Variants in NRXN3 observed in about 807,000 individuals in gnomAD.
The protein encoded by NRXN3 is neurexin III.
A neutral mutation model predicts 137.6 loss-of-function variants in NRXN3; 32 were observed. The ratio of observed to expected loss-of-function variants is 0.23; its 90% CI spans 0.18 to 0.31. The LOEUF is 0.31. Ranked by LOEUF, NRXN3 falls within the 10% of genes least tolerant of loss-of-function variation. The probability of loss-of-function intolerance (pLI) is 1.00; values close to 1 mark genes in which losing one functional copy is unlikely to be tolerated. For synonymous variants in NRXN3, 798 were observed against 784.5 expected, an observed-to-expected ratio of 1.02 and a Z score of -0.29; for missense variants, 1,574 against 2,062.5, an observed-to-expected ratio of 0.76 and a Z score of 4.59.
rs143928579 is a variant in NRXN3, at chr14:79,611,977, T to C, written c.3445-51801T>C. ...ATTAAGGCAATTAGGAAATTTTCCA[T>C]CTAGTTAACATATAGCAAATCAAAC... On this transcript the variant is annotated intron_variant, in intron 16 of 20. Coordinates refer to ENST00000335750, the MANE Select transcript of NRXN3 (RefSeq NM_001330195.2). 3 of 152,344 alleles carry C rather than the reference T, an allele frequency of 2.0e-5. No homozygotes were observed. In the East Asian group the frequency reaches 5.8e-4, roughly 29 times the overall value. 9.4% of individuals were successfully genotyped at this position (152,344 alleles called of 1,614,324 possible).
At chr14:79,220,950 G>C (rs1597425040) in intron 15 of NRXN3, among the ~76,000 whole-genome samples, 1 of 149,534 alleles carries the variant, frequency 6.7e-6, no homozygotes, top group African/African-American at 2.5e-5. Flanking sequence ...TCCCCTCCCT[G>C]TGTCCATGTG....
chr14:79,537,359 T>C (rs965300401), intron 16 of NRXN3, among the ~76,000 whole-genome samples: 4 of 152,118 alleles, frequency 2.6e-5, no homozygotes, highest in African/African-American at 9.7e-5. Context: ...GTTACATATG[T>C]ATACATGTGC....
At chr14:78,482,428 G>C (rs1283986299) in intron 4 of NRXN3, among the ~76,000 whole-genome samples, 1 of 152,076 alleles carries the variant, frequency 6.6e-6, no homozygotes, top group Non-Finnish European at 1.5e-5. Flanking sequence ...CATATGCTTT[G>C]TTTGAGTCCT....
At chr14:79,409,023 C>A (rs1385794064) in intron 15 of NRXN3, among the ~76,000 whole-genome samples, 1 of 152,042 alleles carries the variant, frequency 6.6e-6, no homozygotes, top group Non-Finnish European at 1.5e-5. Flanking sequence ...TTCTGCAGAA[C>A]TTTTCAACCA....
Position 78,563,469 on chromosome 14 carries a change from G to A in NRXN3, c.758-81651G>A, listed in dbSNP as rs74853772. On this transcript the variant is annotated intron_variant, in intron 4 of 20. Transcript: ENST00000335750. ...CCTTATTCTGGTGTATGGGTGAAGG[G>A]AATAAGCAGTGAGTTAGCTCTTACC... 3.2e-3 allele frequency among the ~76,000 whole-genome samples: 493 copies of A among 152,292 alleles called. 4 individuals carry two copies. Among genetic ancestry groups the A allele is most frequent in the African/African-American group, 0.011 (456 of 41,564 alleles).
intron 4 of NRXN3, among the ~76,000 whole-genome samples, chr14:78,454,663 T>C (rs934794158): frequency 4.6e-5 from 7 of 152,150 alleles, no homozygotes; most frequent in Non-Finnish European, 8.8e-5. Context: ...GGATCTATGA[T>C]GAGAAAAACA....
chr14:79,518,433 T>C (rs2097020751), intron 16 of NRXN3, among the ~76,000 whole-genome samples: 1 of 152,086 alleles, frequency 6.6e-6, no homozygotes, highest in Admixed American at 6.5e-5. Flanking sequence ...CATATTTTGT[T>C]AGGTTTATCT....
intron 15 of NRXN3, among the ~76,000 whole-genome samples, chr14:79,206,983 A>G (rs954484468): frequency 6.6e-6 from 1 of 152,162 alleles, no homozygotes; most frequent in Non-Finnish European, 1.5e-5. Context: ...CAAGTTACAG[A>G]TGTTAGCCTG....
Position 79,649,282 on chromosome 14 carries a change from G to A in NRXN3, c.3445-14496G>A, listed in dbSNP as rs139728321. On this transcript the variant is annotated intron_variant, in intron 16 of 20. Transcript: ENST00000335750. ...CTTCCCTGACTGCCTGTGAGCCTCT[G>A]GCCAGGATCCGGGGTAAGTGCCTCA... is the stretch of plus-strand genomic sequence containing the variant. Among the ~76,000 whole-genome samples the A allele has an allele frequency of 4.9e-3, 745 of 152,190 alleles. 6 individuals carry two copies. The highest frequency in any genetic ancestry group is 0.015 in the African/African-American group (631 of 41,532).
intron 15 of NRXN3, among the ~76,000 whole-genome samples, chr14:79,073,263 G>C (rs2099690667): frequency 6.6e-6 from 1 of 151,950 alleles, no homozygotes; most frequent in South Asian, 2.1e-4. Flanking sequence ...GGAGATACTT[G>C]GTAATGTAGA....
In NRXN3 at chr14:79,266,641, A is replaced by G. The variant is rs560514140; in HGVS notation, c.3263-200580A>G. Among the ~76,000 whole-genome samples, 27 of 152,296 alleles carry G rather than the reference A, an allele frequency of 1.8e-4. No homozygotes were observed. The South Asian group carries it at 5.6e-3, about 32-fold the overall frequency. The stretch of plus-strand genomic sequence containing the variant: ...AAGACTGGAGTATCAGGAAATGTAC[A>G]TCTCTAGCCATCAACTAGTAACAAG... On this transcript the variant is annotated intron_variant, in intron 15 of 20. Transcript: ENST00000335750.
At chr14:78,751,599 T>G (rs74994197) in intron 8 of NRXN3, among the ~76,000 whole-genome samples, 1 of 152,148 alleles carries the variant, frequency 6.6e-6, no homozygotes, top group African/African-American at 2.4e-5. Flanking sequence ...GAGTGTCTCA[T>G]TAAGTCCTGG....
At chr14:79,792,384 G>A (rs146820569) in intron 19 of NRXN3, among the ~76,000 whole-genome samples, 1 of 152,260 alleles carries the variant, frequency 6.6e-6, no homozygotes, top group African/African-American at 2.4e-5. Flanking sequence ...CACCTCAAAT[G>A]AGACTGTGTT....
rs10601165 is a variant in NRXN3, at chr14:78,487,742, CATAAATAAATAAATAA to C, written c.758-157344_758-157329del. ...GGGCCACAAGAGTGAAACTCCATCT[CATAAATAAATAAATAA>C]ATAAATAAATAAATAAATAAATAAA... On this transcript the variant is annotated intron_variant, in intron 4 of 20. Transcript: ENST00000335750. Among the ~76,000 whole-genome samples the C allele has an allele frequency of 5.1e-3, 717 of 141,314 alleles. 6 individuals carry two copies. Among genetic ancestry groups the C allele is most frequent in the South Asian group, 0.029 (121 of 4,190 alleles). The allele number at this position is 141,314 out of a possible 152,430, so 92.7% of individuals were successfully genotyped here. A position where few individuals can be genotyped will look rare whatever the true frequency, so the allele number is the denominator to read the frequency against.
chr14:79,169,092 C>A (rs1186379713), intron 15 of NRXN3, among the ~76,000 whole-genome samples: 1 of 152,092 alleles, frequency 6.6e-6, no homozygotes, highest in Non-Finnish European at 1.5e-5. Flanking sequence ...GTTACAGATG[C>A]TCCCTTCCAT....
intron 4 of NRXN3, among the ~76,000 whole-genome samples, chr14:78,448,508 A>G (rs1424755282): frequency 6.6e-6 from 1 of 152,186 alleles, no homozygotes; most frequent in African/African-American, 2.4e-5. Context: ...CGTTTTTTTC[A>G]CTGTAGCAGT....
chr14:78,708,287 C>T (rs563918559), intron 6 of NRXN3, among the ~76,000 whole-genome samples: 1 of 152,140 alleles, frequency 6.6e-6, no homozygotes, highest in Admixed American at 6.5e-5. Context: ...TCTGCTGGAC[C>T]CCCTTGCAAG....
At chr14:79,363,241 C>G (rs897784228) in intron 15 of NRXN3, among the ~76,000 whole-genome samples, 1 of 152,158 alleles carries the variant, frequency 6.6e-6, no homozygotes. Context: ...CTCAGGTGAT[C>G]CACCTGCCTC....
At position 78,905,835 on chromosome 14, in the gene NRXN3, G is replaced by A. The variant is rs181769227; in HGVS notation, c.2276-51407G>A. ...TACATGAAAATACTAAAACTAAAGT[G>A]GATAGAGTTTATGTGAGTATTATAT... On this transcript the variant is annotated intron_variant, in intron 10 of 20. Transcript: ENST00000335750. Among the ~76,000 whole-genome samples, 236 of 151,984 alleles carry A rather than the reference G, an allele frequency of 1.6e-3. 1 individual carries two copies. The highest frequency in any genetic ancestry group is 7.4e-4 in the Non-Finnish European group (50 of 67,932).
Sources: gnomAD v4.1 joint callset for allele counts (sites outside exome capture counted in the v4.1 genomes callset) on GRCh38, gnomAD v4.1.1 for gene constraint, MANE v1.5 for transcripts, NCBI Gene and HGNC (gene_info 2026-07-23, HGNC 2026-07-21) for gene names.